Variants in SIPA1L1 observed in about 807,000 individuals in gnomAD.
The protein encoded by SIPA1L1 is signal-induced proliferation-associated 1-like protein 1.
Under a neutral mutation model 162.7 loss-of-function variants are expected in SIPA1L1, and 26 were observed. That is an observed-to-expected ratio of 0.16 (90% CI 0.12 to 0.22). SIPA1L1 has a LOEUF of 0.22. SIPA1L1 is among the 10% of genes least tolerant of loss of function. SIPA1L1 has a pLI of 1.00. For missense variants in SIPA1L1, 1,874 were observed against 2,241.0 expected, an observed-to-expected ratio of 0.84 and a Z score of 3.31; for synonymous variants, 829 against 837.4, an observed-to-expected ratio of 0.99 and a Z score of 0.17.
At chr14:71,582,307 C>G (rs2034040516) in intron 4 of SIPA1L1, among the ~76,000 whole-genome samples, 1 of 152,042 alleles carries the variant, frequency 6.6e-6, no homozygotes, top group Admixed American at 6.6e-5. Context: ...CAAACACCAG[C>G]CTGGGTGACA....
intron 23 of SIPA1L1, among the ~76,000 whole-genome samples, 173 bp from the exon 24 acceptor site, chr14:71,738,845 C>T (rs1221297392): frequency 1.3e-5 from 2 of 152,028 alleles, no homozygotes; most frequent in African/African-American, 4.8e-5. Flanking sequence ...AAGCCCTGCT[C>T]CCTGAGCTTA....
intron 2 of SIPA1L1, among the ~76,000 whole-genome samples, chr14:71,440,052 A>G (rs1207677591): frequency 2.0e-5 from 3 of 152,108 alleles, no homozygotes; most frequent in African/African-American, 7.2e-5. Context: ...GTTTTTTGAG[A>G]CAGAGTCTTA....
At position 71,737,870 on chromosome 14, in the gene SIPA1L1, C is replaced by T. The variant is rs368408109; in HGVS notation, c.5124-371C>T. Among the ~76,000 whole-genome samples, 35 of 152,224 alleles carry T rather than the reference C, an allele frequency of 2.3e-4. 1 individual carries two copies. In the South Asian group the frequency reaches 7.3e-3, roughly 32 times the overall value. ...GGAGTAACTCCTCTGTCAAAGCCCA[C>T]TAGAGAGATCCCAGAGCCTCCCTGG... On this transcript the variant is annotated intron_variant, in intron 22 of 23. Coordinates refer to ENST00000381232, the MANE Select transcript of SIPA1L1 (RefSeq NM_001386936.1).
intron 2 of SIPA1L1, among the ~76,000 whole-genome samples, chr14:71,396,475 C>A (rs895464546): frequency 1.3e-5 from 2 of 152,014 alleles, no homozygotes; most frequent in Non-Finnish European, 2.9e-5. Flanking sequence ...GTTCATTTAC[C>A]CTTGTACTTT....
chr14:71,491,275 C>A (rs2049225583), intron 2 of SIPA1L1, among the ~76,000 whole-genome samples: 1 of 152,130 alleles, frequency 6.6e-6, no homozygotes, highest in Non-Finnish European at 1.5e-5. Flanking sequence ...TCTTTGGGTT[C>A]AGTTCTCTGA....
intron 7 of SIPA1L1, among the ~76,000 whole-genome samples, chr14:71,649,189 ATTTT>A (rs576399247): frequency 1.5e-5 from 2 of 131,142 alleles, no homozygotes; most frequent in Non-Finnish European, 3.3e-5. Flanking sequence ...TCAAAGTCCA[ATTTT>A]TTTTTTTTTT....
chr14:71,612,446 A>G (rs1163901817), intron 5 of SIPA1L1, among the ~76,000 whole-genome samples: 4 of 152,160 alleles, frequency 2.6e-5, no homozygotes, highest in Non-Finnish European at 4.4e-5. Context: ...TATTTTTTCT[A>G]TTAAACAATT....
At chr14:71,502,382 G>T (rs1744283411) in intron 2 of SIPA1L1, among the ~76,000 whole-genome samples, 1 of 150,736 alleles carries the variant, frequency 6.6e-6, no homozygotes, top group African/African-American at 2.4e-5. Flanking sequence ...GAGACTACAG[G>T]CACATGCTAC....
intron 2 of SIPA1L1, among the ~76,000 whole-genome samples, chr14:71,325,940 A>C (rs2033739341): frequency 6.6e-6 from 1 of 152,136 alleles, no homozygotes; most frequent in South Asian, 2.1e-4. Flanking sequence ...GCTTGTTATG[A>C]ATGCCAGCTT....
At chr14:71,693,459 A>G (rs941227592) in intron 13 of SIPA1L1, among the ~76,000 whole-genome samples, 2 of 152,134 alleles carry the variant, frequency 1.3e-5, no homozygotes, top group African/African-American at 4.8e-5. Flanking sequence ...AGATCACACC[A>G]CTGCACTCCA....
At chr14:71,488,092 GA>G (rs2048919459) in intron 2 of SIPA1L1, among the ~76,000 whole-genome samples, 1 of 152,164 alleles carries the variant, frequency 6.6e-6, no homozygotes, top group African/African-American at 2.4e-5. Flanking sequence ...CAGATATCTA[GA>G]AAAGGAGATG....
At chr14:71,386,302 A>T (rs1263564302) in intron 2 of SIPA1L1, among the ~76,000 whole-genome samples, 2 of 152,294 alleles carry the variant, frequency 1.3e-5, no homozygotes, top group East Asian at 3.9e-4. Context: ...CAGGAGAAAG[A>T]TGTAGGCTGG....
At chr14:71,419,634 A>G (rs945900108) in intron 2 of SIPA1L1, among the ~76,000 whole-genome samples, 4 of 149,950 alleles carry the variant, frequency 2.7e-5, no homozygotes, top group African/African-American at 7.3e-5. Context: ...AGTAGCTGGG[A>G]CTACAGGTGC....
At chr14:71,382,139 G>C (rs1163689584) in intron 2 of SIPA1L1, among the ~76,000 whole-genome samples, 2 of 152,148 alleles carry the variant, frequency 1.3e-5, no homozygotes, top group Non-Finnish European at 2.9e-5. Flanking sequence ...TTTTAATCAA[G>C]TAATACTTAG....
chr14:71,735,881 C>G (rs1284315149), intron 22 of SIPA1L1, among the ~76,000 whole-genome samples: 1 of 152,244 alleles, frequency 6.6e-6, no homozygotes, highest in East Asian at 1.9e-4. Flanking sequence ...TAGGCAATAA[C>G]TGAGGTCCTA....
intron 9 of SIPA1L1, 98 bp downstream of exon 9, chr14:71,658,534 T>G (rs1438571368): frequency 1.4e-5 from 11 of 782,882 alleles, no homozygotes; most frequent in Non-Finnish European, 2.3e-5. Flanking sequence ...GAATTTAGTG[T>G]TGCACCTGTC....
intron 16 of SIPA1L1, 62 bp downstream of exon 16, chr14:71,705,402 T>C: frequency 8.3e-7 from 1 of 1,204,218 alleles, no homozygotes; most frequent in Non-Finnish European, 1.2e-6. Flanking sequence ...CCTTGCACTA[T>C]GAAAATGCTC....
chr14:71,702,226 C>T (rs774134043), intron 14 of SIPA1L1, 155 bp from the exon 15 acceptor site: 199 of 705,964 alleles, frequency 2.8e-4, no homozygotes, highest in Middle Eastern at 1.2e-3. Context: ...TCCACACCCA[C>T]GTAAACACGA....
intron 5 of SIPA1L1, among the ~76,000 whole-genome samples, chr14:71,590,034 A>ATATAT (rs2035104261): frequency 4.0e-4 from 29 of 72,640 alleles, no homozygotes; most frequent in Non-Finnish European, 7.2e-4. Flanking sequence ...AAAAAAAAAA[A>ATATAT]AAAAAAAAAA....
Sources: gnomAD v4.1 joint callset for allele counts (sites outside exome capture counted in the v4.1 genomes callset) on GRCh38, gnomAD v4.1.1 for gene constraint, MANE v1.5 for transcripts, NCBI Gene and HGNC (gene_info 2026-07-23, HGNC 2026-07-21) for gene names.